Variants in NAALADL2 observed in about 807,000 individuals in gnomAD.
NAALADL2 encodes the protein inactive N-acetylated-alpha-linked acidic dipeptidase-like protein 2.
Under a neutral mutation model 87.2 loss-of-function variants are expected in NAALADL2, and 76 were observed. The observed-to-expected ratio is 0.87, with a 90% CI of 0.72 to 1.05. NAALADL2 has a LOEUF of 1.05. NAALADL2 is among the 50% of genes least tolerant of loss of function. The pLI is 0.00. For missense variants in NAALADL2, 1,089 were observed against 945.8 expected, an observed-to-expected ratio of 1.15 and a Z score of -1.99; for synonymous variants, 354 against 331.0, an observed-to-expected ratio of 1.07 and a Z score of -0.75.
chr3:175,206,244 C>CTA (rs200530639), intron 2 of NAALADL2, among the ~76,000 whole-genome samples: 31,514 of 107,654 alleles, frequency 0.29, 5,363 homozygotes, highest in Admixed American at 0.4. Flanking sequence ...GGATAAAAAA[C>CTA]TATATATATA....
chr3:175,737,729 T>TTTC, intron 12 of NAALADL2, among the ~76,000 whole-genome samples: 1 of 142,380 alleles, frequency 7.0e-6, no homozygotes, highest in Non-Finnish European at 1.5e-5. Flanking sequence ...TTTTTTTTTT[T>TTTC]TTTTTTTTTT....
At chr3:174,464,528 A>G (rs1157408600) in intron 1 of NAALADL2, among the ~76,000 whole-genome samples, 1 of 152,020 alleles carries the variant, frequency 6.6e-6, no homozygotes, top group Non-Finnish European at 1.5e-5. Flanking sequence ...CAGTGGTGGG[A>G]TAGTCCAGTG....
At chr3:174,800,641 G>C (rs1263311859) in intron 3 of NAALADL2, among the ~76,000 whole-genome samples, 1 of 152,138 alleles carries the variant, frequency 6.6e-6, no homozygotes, top group Non-Finnish European at 1.5e-5. Flanking sequence ...TGTGAGAAGA[G>C]GGCCACTGTC....
At chr3:175,131,820 G>GCTC (rs1727963022) in intron 2 of NAALADL2, among the ~76,000 whole-genome samples, 1 of 136,854 alleles carries the variant, frequency 7.3e-6, no homozygotes, top group Non-Finnish European at 1.6e-5. Flanking sequence ...CGGGCGGGGG[G>GCTC]CTGACCCCCC....
chr3:174,914,343 G>A (rs544735986), intron 1 of NAALADL2, among the ~76,000 whole-genome samples: 4 of 152,248 alleles, frequency 2.6e-5, no homozygotes, highest in Admixed American at 1.3e-4. Flanking sequence ...GATTACAGGT[G>A]TGAGCCACCA....
At chr3:174,577,899 A>C (rs1715713917) in intron 2 of NAALADL2, among the ~76,000 whole-genome samples, 2 of 152,080 alleles carry the variant, frequency 1.3e-5, no homozygotes. Context: ...GGTTCTGATT[A>C]GTGAAAAGAT....
intron 2 of NAALADL2, among the ~76,000 whole-genome samples, chr3:174,588,274 AT>A (rs1434247623): frequency 1.3e-5 from 2 of 151,724 alleles, no homozygotes; most frequent in South Asian, 2.1e-4. Flanking sequence ...CATTCCTCTA[AT>A]TTTTTCAAGG....
At chr3:175,475,709 T>C (rs1725594153) in intron 9 of NAALADL2, among the ~76,000 whole-genome samples, 1 of 152,090 alleles carries the variant, frequency 6.6e-6, no homozygotes, top group Non-Finnish European at 1.5e-5. Context: ...GGACAGACAG[T>C]GTTTTTTTAA....
chr3:174,475,124 C>T (rs184215009), intron 1 of NAALADL2, among the ~76,000 whole-genome samples: 2 of 150,700 alleles, frequency 1.3e-5, no homozygotes, highest in Admixed American at 1.3e-4. Context: ...TAGGTCCCAA[C>T]TGGAAATAGT....
At chr3:174,533,179 G>A (rs1344802364) in intron 1 of NAALADL2, among the ~76,000 whole-genome samples, 1 of 151,290 alleles carries the variant, frequency 6.6e-6, no homozygotes, top group Non-Finnish European at 1.5e-5. Context: ...TGGGGAAGGG[G>A]TACAGGGGCA....
At chr3:174,704,344 GA>G in intron 2 of NAALADL2, among the ~76,000 whole-genome samples, 1 of 152,196 alleles carries the variant, frequency 6.6e-6, no homozygotes, top group African/African-American at 2.4e-5. Context: ...ATATCAGTAT[GA>G]CAAGGGGTTT....
chr3:175,085,442 A>T (rs770158542), intron 1 of NAALADL2, among the ~76,000 whole-genome samples: 31 of 151,972 alleles, frequency 2.0e-4, no homozygotes, highest in Admixed American at 8.5e-4. Flanking sequence ...TTCATCTTTA[A>T]AGGTTATGCT....
At chr3:175,680,915 C>A (rs1247111944) in intron 11 of NAALADL2, among the ~76,000 whole-genome samples, 1 of 152,082 alleles carries the variant, frequency 6.6e-6, no homozygotes, top group African/African-American at 2.4e-5. Context: ...GAGATCGGCA[C>A]AATCCTGGCC....
intron 1 of NAALADL2, among the ~76,000 whole-genome samples, chr3:175,046,061 A>G (rs972324521): frequency 2.0e-5 from 3 of 151,856 alleles, no homozygotes; most frequent in Admixed American, 6.6e-5. Flanking sequence ...TCAGGATCCA[A>G]TATTTCCTTT....
chr3:174,698,362 G>T (rs1729225130), intron 2 of NAALADL2, among the ~76,000 whole-genome samples: 1 of 151,856 alleles, frequency 6.6e-6, no homozygotes, highest in Admixed American at 6.6e-5. Context: ...TAATTTTACT[G>T]GTTCTATGAT....
At chr3:175,600,525 CTTTTTTTTTTTTTT>C (rs869212429) in intron 10 of NAALADL2, among the ~76,000 whole-genome samples, 1 of 61,040 alleles carries the variant, frequency 1.6e-5, no homozygotes, top group African/African-American at 6.2e-5. Context: ...GTGTCTTAGT[CTTTTTTTTTTTTTT>C]TTTTTTTTTT....
chr3:175,619,616 C>T (rs1341044785), intron 10 of NAALADL2, among the ~76,000 whole-genome samples: 1 of 151,962 alleles, frequency 6.6e-6, no homozygotes, highest in Non-Finnish European at 1.5e-5. Flanking sequence ...TAGACAGAAA[C>T]CACATTGTTC....
At chr3:174,574,997 TAGATAC>T (rs1223741186) in intron 2 of NAALADL2, among the ~76,000 whole-genome samples, 2 of 152,140 alleles carry the variant, frequency 1.3e-5, no homozygotes, top group African/African-American at 4.8e-5. Flanking sequence ...AGACTCTTTG[TAGATAC>T]ATATTTGTAT....
At position 174,556,444 on chromosome 3, in the gene NAALADL2, C is replaced by CT. The variant is rs554616964; in HGVS notation, c.-115+5817dup. Reference sequence around the variant, plus strand: ...TTAATATCATCAGAAAAAGAGGTAACTTTTTTTTTTCTTTTGCTTGCTTCC... The same window carrying CT: ...TTAATATCATCAGAAAAAGAGGTAACTTTTTTTTTTTCTTTTGCTTGCTTCC... On this transcript the variant is annotated intron_variant, in intron 2 of 3. Coordinates refer to the NAALADL2 transcript ENST00000434257. 8.9e-3 allele frequency among the ~76,000 whole-genome samples: 1,340 copies of CT among 149,816 alleles called. 17 individuals are homozygous for CT. Among genetic ancestry groups the CT allele is most frequent in the African/African-American group, 0.03 (1,242 of 40,846 alleles).
Sources: allele counts gnomAD v4.1 joint callset (sites outside exome capture counted in the v4.1 genomes callset), GRCh38; gene constraint gnomAD v4.1.1; transcripts MANE v1.5; gene names NCBI Gene and HGNC (gene_info 2026-07-23, HGNC 2026-07-21).